SYNE1: variants seen among roughly 807,000 people sequenced by gnomAD.
SYNE1 encodes spectrin repeat containing nuclear envelope protein 1, also known as nesprin-1.
In SYNE1, 616 loss-of-function variants were observed where a neutral mutation model predicts 1,111.0. That is an observed-to-expected ratio of 0.55 (90% CI 0.52 to 0.59). The LOEUF (loss-of-function observed/expected upper bound fraction) is 0.59. SYNE1 is among the 20% of genes least tolerant of loss of function. The pLI is 0.00. For missense variants in SYNE1, 10,006 were observed against 10,417.0 expected, an observed-to-expected ratio of 0.96 and a Z score of 1.72; for synonymous variants, 3,855 against 3,825.8, an observed-to-expected ratio of 1.01 and a Z score of -0.28.
chr6:152,534,518 A>T (rs2099224312), intron 4 of SYNE1, among the ~76,000 whole-genome samples: 1 of 152,156 alleles, frequency 6.6e-6, no homozygotes, highest in Non-Finnish European at 1.5e-5. Context: ...GTTATATAAG[A>T]TGATATCTTG....
At chr6:152,598,083 C>A (rs1319300353) in intron 3 of SYNE1, among the ~76,000 whole-genome samples, 1 of 152,102 alleles carries the variant, frequency 6.6e-6, no homozygotes, top group Non-Finnish European at 1.5e-5. Flanking sequence ...CTCAGATATA[C>A]AGATTCAGAA....
At chr6:152,145,614 T>G in intron 137 of SYNE1, 2 of 1,478,842 alleles carry the variant, frequency 1.4e-6, no homozygotes, top group South Asian at 1.1e-5. Flanking sequence ...GAATCCCTTG[T>G]GCAGGAAAAT....
At chr6:152,213,831 G>A in intron 122 of SYNE1, 72 bp from the exon 123 acceptor site, 2 of 1,588,690 alleles carry the variant, frequency 1.3e-6, no homozygotes, top group Admixed American at 3.3e-5. Flanking sequence ...TATAAAACTA[G>A]ATTAAATAAT....
At chr6:152,620,527 C>T (rs928891373) in intron 3 of SYNE1, among the ~76,000 whole-genome samples, 8 of 152,154 alleles carry the variant, frequency 5.3e-5, no homozygotes, top group Admixed American at 5.2e-4. Context: ...CTCCTCAATG[C>T]TGTTCCACAC....
At chr6:152,505,179 A>G (rs766767481) in intron 9 of SYNE1, 22 bp downstream of exon 9, 2 of 1,613,468 alleles carry the variant, frequency 1.2e-6, no homozygotes, top group Non-Finnish European at 1.7e-6. Context: ...GGTATATAAC[A>G]GTCAATGAAT....
At position 152,141,250 on chromosome 6, in the gene SYNE1, C is replaced by A. The variant is rs769976238; in HGVS notation, c.25199G>T (p.Ser8400Ile). ...ATGCAGGTTAACAAAGCCAGGAAGG[C>A]TCTCCTCTTCCTCCTTCAGTTTGTG... ...LEHKLKEEEE[S>I]LPGFVNLHST... Residue 8400 changes from serine to isoleucine, a missense_variant, in exon 139 of 146, where the codon AGC (serine) becomes ATC (isoleucine). Ser to Ile is a moderately radical substitution (Grantham distance 142). This residue lies in a region of SYNE1 where 761 missense variants were observed against 795.5 expected (regional missense o/e 0.96). Transcript: ENST00000367255. 88 of 1,614,068 alleles carry A rather than the reference C, an allele frequency of 5.5e-5. No individual in the cohort carries two copies. Among genetic ancestry groups the A allele is most frequent in the Non-Finnish European group, 7.1e-5 (84 of 1,180,040 alleles).
chr6:152,225,297 A>G (rs200176038), intron 116 of SYNE1, among the ~76,000 whole-genome samples: 5,120 of 133,818 alleles, frequency 0.038, 219 homozygotes, highest in African/African-American at 0.12. Flanking sequence ...ACACACACAC[A>G]CACACGCACA....
At position 152,416,447 on chromosome 6, in the gene SYNE1, A is replaced by G. The variant is rs142332334; in HGVS notation, c.5990T>C (p.Ile1997Thr). The change falls in exon 41 of 146, where the codon ATT becomes ACT. Residue 1997 changes from isoleucine to threonine, a missense_variant. Ile to Thr is a moderately conservative substitution (Grantham distance 89). Around this residue, in one of 7 missense-constraint regions of SYNE1, gnomAD observed 4,955 missense variants for 5,017.2 expected, o/e 0.99. Transcript: ENST00000367255. ...TCGCTCTTTGTCAGTCCTTTCTTCA[A>G]TGTCCTCAATGCTTTTCAGAAGCTC... Reference protein sequence around the residue: ...KEELLKSIEDIEERTDKERLK... With the variant: ...KEELLKSIEDTEERTDKERLK... The G allele has an allele frequency of 6.8e-6, 11 of 1,613,998 alleles. No individual in the cohort carries two copies. Among genetic ancestry groups the G allele is most frequent in the Middle Eastern group, 1.6e-4 (1 of 6,082 alleles).
At chr6:152,269,390 T>C in intron 98 of SYNE1, 104 bp from the exon 99 acceptor site, 1 of 1,569,240 alleles carries the variant, frequency 6.4e-7, no homozygotes, top group Admixed American at 1.7e-5. Context: ...GATACCAAAG[T>C]GGCTCCACTG....
At chr6:152,336,611 T>C (rs1317980485) in intron 76 of SYNE1, 5 of 588,906 alleles carry the variant, frequency 8.5e-6, no homozygotes, top group Non-Finnish European at 1.5e-5. Context: ...GGAGGTGGAG[T>C]TCAGGCATTA....
intron 125 of SYNE1, among the ~76,000 whole-genome samples, chr6:152,207,745 T>C (rs958525598): frequency 6.6e-6 from 1 of 152,230 alleles, no homozygotes; most frequent in African/African-American, 2.4e-5. Flanking sequence ...CAGGCCATAG[T>C]GTGTGAAGTG....
At chr6:152,268,262 T>C in intron 99 of SYNE1, 97 bp from the exon 100 acceptor site, 1 of 955,436 alleles carries the variant, frequency 1.0e-6, no homozygotes, top group South Asian at 1.3e-5. Flanking sequence ...AGAACTTCGG[T>C]AGTGAGCTTT....
At chr6:152,371,953 G>C (rs1434385919) in intron 59 of SYNE1, among the ~76,000 whole-genome samples, 1 of 150,798 alleles carries the variant, frequency 6.6e-6, no homozygotes, top group African/African-American at 2.4e-5. Context: ...GAAAGGAAAG[G>C]AAAGGAAAGG....
At chr6:152,182,820 C>G (rs1400580658) in intron 128 of SYNE1, among the ~76,000 whole-genome samples, 1 of 152,122 alleles carries the variant, frequency 6.6e-6, no homozygotes, top group Non-Finnish European at 1.5e-5. Context: ...TTTTGAAAGG[C>G]CACCATGAGA....
intron 3 of SYNE1, chr6:152,545,906 A>G (rs545082112): frequency 5.9e-5 from 9 of 152,358 alleles, no homozygotes; most frequent in African/African-American, 2.2e-4. Flanking sequence ...AGTATCTAAT[A>G]AAGATTTTTC....
chr6:152,451,789 A>T (rs2098653372), intron 25 of SYNE1, among the ~76,000 whole-genome samples: 1 of 152,058 alleles, frequency 6.6e-6, no homozygotes, highest in Non-Finnish European at 1.5e-5. Context: ...CCAGTGCTGC[A>T]CAGTATTAAT....
rs147380321 is a variant in SYNE1, at chr6:152,139,913, CTGTT to C, written c.25458+33_25458+36del. ...GCACGGTCGTTCACGCGGTGGCTCT[CTGTT>C]TGTCCGCCGTGGGAAAGGCAAGGGG... On this transcript the variant is annotated intron_variant, in intron 140 of 145. Coordinates refer to ENST00000367255, the MANE Select transcript of SYNE1 (RefSeq NM_182961.4). 636,130 of 1,609,670 alleles carry C rather than the reference CTGTT, an allele frequency of 0.4. 128,539 individuals are homozygous for C. Among genetic ancestry groups the C allele is most frequent in the African/African-American group, 0.52 (39,138 of 74,624 alleles).
rs117115882 is a variant in SYNE1, at chr6:152,260,395, G to A, written c.18972+1637C>T. Reference sequence around the variant, plus strand: ...ATTAAAATACAGGGAGGAGGTCCACGCAAAAAGTATAGGGCACCATTTGCC... The same window carrying A: ...ATTAAAATACAGGGAGGAGGTCCACACAAAAAGTATAGGGCACCATTTGCC... On this transcript the variant is annotated intron_variant, in intron 101 of 145. Coordinates refer to ENST00000367255, the MANE Select transcript of SYNE1 (RefSeq NM_182961.4). Among the ~76,000 whole-genome samples, 372 of 152,196 alleles carry A rather than the reference G, an allele frequency of 2.4e-3. 5 individuals are homozygous for A. The East Asian group carries it at 0.03, about 12-fold the overall frequency.
chr6:152,450,550 TTGTTTTGTCA>T (rs1564110699), intron 27 of SYNE1, 65 bp downstream of exon 27: 8 of 1,253,090 alleles, frequency 6.4e-6, no homozygotes, highest in Non-Finnish European at 9.3e-6. Flanking sequence ...AAGTTATTTC[TTGTTTTGTCA>T]TGATCTCCGA....
Sources: gnomAD v4.1 joint callset for allele counts (sites outside exome capture counted in the v4.1 genomes callset) on GRCh38, gnomAD v4.1.1 for gene constraint, gnomAD v4.1.1 regional missense constraint, MANE v1.5 for transcripts, NCBI Gene and HGNC (gene_info 2026-07-23, HGNC 2026-07-21) for gene names.